PRH1: variants seen among roughly 807,000 people sequenced by gnomAD.
PRH1 encodes the protein proline rich protein HaeIII subfamily 1, also known as salivary acidic proline-rich phosphoprotein 1/2.
A neutral mutation model predicts 7.9 loss-of-function variants in PRH1; 7 were observed. That is an observed-to-expected ratio of 0.89 (90% CI 0.50 to 1.67). The LOEUF is 1.67. PRH1 is among the 40% of genes most tolerant of loss of function. The pLI, the probability that PRH1 is intolerant of heterozygous loss-of-function variation, is 0.00. For synonymous variants in PRH1, 45 were observed against 80.8 expected (o/e 0.56, Z 2.38); for missense variants, 109 against 223.6 (o/e 0.49, Z 3.27).
At chr12:11,170,807 AG>A (rs1947812028) in intron 1 of PRH1, among the ~76,000 whole-genome samples, 2 of 152,242 alleles carry the variant, frequency 1.3e-5, no homozygotes, top group African/African-American at 4.8e-5. Context: ...CCTAATAAAT[AG>A]AAAAATCCAA....
At chr12:11,061,223 CGTT>C in intron 1 of PRH1, 1 of 1,142,882 alleles carries the variant, frequency 8.7e-7, no homozygotes, top group Non-Finnish European at 1.2e-6. Context: ...TTTAGACTAA[CGTT>C]AGGTAAAAGA....
intron 1 of PRH1, among the ~76,000 whole-genome samples, chr12:11,129,082 C>G (rs1410059946): frequency 6.6e-6 from 1 of 152,174 alleles, no homozygotes; most frequent in Non-Finnish European, 1.5e-5. Flanking sequence ...ACCACCATGC[C>G]AGGTAATTTT....
intron 1 of PRH1, among the ~76,000 whole-genome samples, chr12:11,007,128 T>A (rs1386504047): frequency 6.6e-6 from 1 of 152,146 alleles, no homozygotes. Context: ...TAGGATCGTA[T>A]AAATATGGAT....
intron 1 of PRH1, among the ~76,000 whole-genome samples, chr12:11,126,579 A>ATGTGTG (rs1491199699): frequency 6.6e-6 from 1 of 152,158 alleles, no homozygotes; most frequent in East Asian, 1.9e-4. Flanking sequence ...AGTGATATGC[A>ATGTGTG]TGTGTGTGTA....
intron 2 of PRH1, among the ~76,000 whole-genome samples, chr12:10,942,005 C>T (rs1950408903): frequency 1.3e-5 from 2 of 152,136 alleles, no homozygotes; most frequent in African/African-American, 2.4e-5. Flanking sequence ...TGGATCTAGT[C>T]ACCAAGAAAG....
intron 1 of PRH1, 119 bp downstream of exon 1, chr12:10,884,035 A>G: frequency 8.5e-7 from 1 of 1,182,314 alleles, no homozygotes. Context: ...CCTCAGCATG[A>G]GAACTCTGCA....
intron 2 of PRH1, chr12:10,891,730 A>G (rs1949576114): frequency 6.6e-6 from 1 of 152,236 alleles, no homozygotes. Flanking sequence ...ATATCATCGT[A>G]CTATTTCTTC....
In PRH1 at chr12:11,031,398, G is replaced by A. The variant is rs1324253371; in HGVS notation, c.-126+15622C>T. ...GTTGTGTCCGGAGTTGGTTCCTGCA[G>A]GTGGGTTCGTGGTCTCCCTGACTTC... On this transcript the variant is annotated intron_variant, in intron 1 of 3. Coordinates refer to the PRH1 transcript ENST00000539853. 1.9e-6 allele frequency: 3 copies of A among 1,570,098 alleles called. No homozygotes were observed. In the African/African-American group the frequency reaches 4.1e-5, roughly 21 times the overall value.
At chr12:11,012,701 C>T (rs4763612) in intron 1 of PRH1, among the ~76,000 whole-genome samples, 46,317 of 151,876 alleles carry the variant, frequency 0.3, 8,926 homozygotes, top group East Asian at 0.74. Context: ...TGACTATGGG[C>T]GTGCACCAAC....
chr12:11,031,570 T>G lies in PRH1; in HGVS notation c.-126+15450A>C, dbSNP rs189311532. Among the ~76,000 whole-genome samples, 512 of 152,050 alleles carry G rather than the reference T, an allele frequency of 3.4e-3. 4 individuals carry two copies. Among genetic ancestry groups the G allele is most frequent in the Non-Finnish European group, 5.7e-3 (387 of 67,970 alleles). On this transcript the variant is annotated intron_variant, in intron 1 of 3. Coordinates refer to the PRH1 transcript ENST00000539853. Reference sequence around the variant, plus strand: ...GAAGGCGACCCAGGCAGGTTGCTGCTGCTGGCTGAAGCCATGAGCTTTTAT... The same window carrying G: ...GAAGGCGACCCAGGCAGGTTGCTGCGGCTGGCTGAAGCCATGAGCTTTTAT...
chr12:10,967,488 C>A (rs1938566200), intron 2 of PRH1, among the ~76,000 whole-genome samples: 1 of 152,236 alleles, frequency 6.6e-6, no homozygotes, highest in African/African-American at 2.4e-5. Flanking sequence ...GCTTTTCAAG[C>A]CCCTAAATGT....
Position 11,059,500 on chromosome 12 carries a change from T to C in PRH1, n.124-12312A>G, listed in dbSNP as rs368088273. 5.3e-4 allele frequency among the ~76,000 whole-genome samples: 81 copies of C among 152,324 alleles called. 1 individual carries two copies. The East Asian group carries it at 0.012, about 22-fold the overall frequency. Reference sequence around the variant, plus strand: ...AAATGAAATGCCATTTTTGTTTAAATAATAATCAACTAGAAAATATCATAA... The same window carrying C: ...AAATGAAATGCCATTTTTGTTTAAACAATAATCAACTAGAAAATATCATAA... On this transcript the variant is annotated intron_variant and non_coding_transcript_variant, in intron 1 of 4. Transcript: ENST00000541977.
At chr12:10,987,731 T>C (rs949037844) in intron 1 of PRH1, among the ~76,000 whole-genome samples, 15 of 152,130 alleles carry the variant, frequency 9.9e-5, no homozygotes, top group South Asian at 8.3e-4. Flanking sequence ...CAAACATATC[T>C]TTCATGCTTA....
At chr12:10,989,636 T>C (rs1939832223) in intron 1 of PRH1, among the ~76,000 whole-genome samples, 1 of 152,190 alleles carries the variant, frequency 6.6e-6, no homozygotes, top group Non-Finnish European at 1.5e-5. Flanking sequence ...CTTTATACAG[T>C]CAAAATTTAT....
At chr12:11,116,780 A>C (rs1945743655), downstream of PRH1, among the ~76,000 whole-genome samples, 1 of 152,144 alleles carries the variant, frequency 6.6e-6, no homozygotes, top group Non-Finnish European at 1.5e-5. Flanking sequence ...TACACAAATC[A>C]ATCAATGTGA....
At chr12:11,031,305 T>TG in intron 1 of PRH1, 1 of 1,612,182 alleles carries the variant, frequency 6.2e-7, no homozygotes, top group South Asian at 1.1e-5. Flanking sequence ...ACTACCACAC[T>TG]GGAAAAAATG....
At chr12:11,152,160 C>T (rs964124040) in intron 1 of PRH1, among the ~76,000 whole-genome samples, 1 of 150,762 alleles carries the variant, frequency 6.6e-6, no homozygotes, top group Middle Eastern at 3.2e-3. Context: ...TATACATGTG[C>T]CATGTTGGTG....
downstream of PRH1, among the ~76,000 whole-genome samples, chr12:11,117,203 C>T (rs1044741074): frequency 1.3e-5 from 2 of 151,894 alleles, no homozygotes; most frequent in Non-Finnish European, 2.9e-5. Context: ...AATTGATAAA[C>T]AAACTCAGTA....
At chr12:10,929,737 C>T (rs1446071825) in intron 2 of PRH1, among the ~76,000 whole-genome samples, 1 of 152,162 alleles carries the variant, frequency 6.6e-6, no homozygotes, top group Non-Finnish European at 1.5e-5. Flanking sequence ...AAACACATGT[C>T]AGAGCTATTG....
Sources: gnomAD v4.1 joint callset for allele counts (sites outside exome capture counted in the v4.1 genomes callset) on GRCh38, gnomAD v4.1.1 for gene constraint, MANE v1.5 for transcripts, NCBI Gene and HGNC (gene_info 2026-07-23, HGNC 2026-07-21) for gene names.